ARPC2: variants seen among roughly 807,000 people sequenced by gnomAD.
ARPC2 encodes actin related protein 2/3 complex subunit 2.
Under a neutral mutation model 38.6 loss-of-function variants are expected in ARPC2, and 4 were observed. That is an observed-to-expected ratio of 0.10 (90% CI 0.05 to 0.24). The LOEUF (loss-of-function observed/expected upper bound fraction) is 0.24, where lower values mean the gene tolerates loss of function less well. Among genes scored for constraint, ARPC2 ranks in the 10% least tolerant of loss-of-function variants. The pLI, the probability that ARPC2 is intolerant of heterozygous loss-of-function variation, is 1.00. For missense variants in ARPC2, 229 were observed against 387.3 expected, an observed-to-expected ratio of 0.59 and a Z score of 3.43; for synonymous variants, 125 against 140.8, an observed-to-expected ratio of 0.89 and a Z score of 0.79.
chr2:218,242,565 A>T (rs537956799), intron 7 of ARPC2, among the ~76,000 whole-genome samples: 2 of 152,252 alleles, frequency 1.3e-5, no homozygotes, highest in East Asian at 3.9e-4. Flanking sequence ...TAATTTTGGT[A>T]GACATTGCCA....
intron 6 of ARPC2, 83 bp downstream of exon 6, chr2:218,238,933 A>C (rs917762671): frequency 2.6e-6 from 3 of 1,134,010 alleles, no homozygotes; most frequent in African/African-American, 3.1e-5. Context: ...GGCTTGGTCA[A>C]ACTTTCAGCT....
At chr2:218,247,279 G>A (rs150328924) in intron 8 of ARPC2, among the ~76,000 whole-genome samples, 1 of 152,210 alleles carries the variant, frequency 6.6e-6, no homozygotes, top group East Asian at 1.9e-4. Context: ...TCTTCCTTCA[G>A]TTGCTCCAGC....
intron 7 of ARPC2, among the ~76,000 whole-genome samples, chr2:218,244,622 A>G (rs1223286685): frequency 6.6e-6 from 1 of 152,258 alleles, no homozygotes; most frequent in East Asian, 1.9e-4. Context: ...AGCTCCAGCA[A>G]GAGAGCAGTA....
chr2:218,217,411 G>C (rs1361136195), intron 1 of ARPC2, 52 bp from the exon 2 acceptor site: 1 of 1,575,408 alleles, frequency 6.3e-7, no homozygotes, highest in Non-Finnish European at 8.7e-7. Context: ...CTCCGTCCTT[G>C]CCTCCCTTAC....
At chr2:218,226,998 G>A (rs886459100) in intron 3 of ARPC2, 3 of 456,548 alleles carry the variant, frequency 6.6e-6, no homozygotes, top group Admixed American at 4.7e-5. Context: ...CTTGTTAGGT[G>A]AATGAACTCA....
intron 1 of ARPC2, 48 bp from the exon 2 acceptor site, chr2:218,217,415 C>T: frequency 1.3e-6 from 2 of 1,590,608 alleles, no homozygotes; most frequent in Non-Finnish European, 1.7e-6. Context: ...GTCCTTGCCT[C>T]CCTTACCCAC....
chr2:218,239,759 A>G (rs995053879), intron 7 of ARPC2, among the ~76,000 whole-genome samples: 1 of 151,636 alleles, frequency 6.6e-6, no homozygotes, highest in Non-Finnish European at 1.5e-5. Context: ...ACACCCAGCT[A>G]ATTTTGTATT....
rs1690262252 is a variant in ARPC2, at chr2:218,254,172, C to T, written c.*257C>T. ...TTCCTTTTCTTTATCTTCCCTCCCT[C>T]ACTTCCCTTTTCTCCCACCCTCTTT... On this transcript the variant is annotated 3_prime_UTR_variant, in exon 11 of 11. Transcript: ENST00000315717. 1 of 466,288 alleles carries T rather than the reference C, an allele frequency of 2.1e-6. No homozygotes were observed. The highest frequency in any genetic ancestry group is 3.8e-6 in the Non-Finnish European group (1 of 264,212). The allele number at this position is 466,288 out of a possible 1,614,324, so 28.9% of individuals were successfully genotyped here. A position where few individuals can be genotyped will look rare whatever the true frequency, so the allele number is the denominator to read the frequency against.
chr2:218,252,148 G>A (rs1449185552), intron 10 of ARPC2, among the ~76,000 whole-genome samples: 1 of 152,106 alleles, frequency 6.6e-6, no homozygotes, highest in African/African-American at 2.4e-5. Flanking sequence ...AGTTGAACCC[G>A]GGAGGCAGAG....
intron 5 of ARPC2, among the ~76,000 whole-genome samples, chr2:218,238,456 TGA>T (rs1422462225): frequency 6.6e-6 from 1 of 152,118 alleles, no homozygotes; most frequent in African/African-American, 2.4e-5. Context: ...TTTTGCCCTG[TGA>T]GATAGATGGA....
intron 8 of ARPC2, among the ~76,000 whole-genome samples, chr2:218,248,711 G>A (rs148306283): frequency 1.6e-4 from 25 of 152,152 alleles, no homozygotes; most frequent in African/African-American, 5.1e-4. Context: ...ATCAGCCTGC[G>A]TCAGCCTCCC....
chr2:218,230,613 G>C (rs999755590), intron 4 of ARPC2, among the ~76,000 whole-genome samples: 1 of 152,006 alleles, frequency 6.6e-6, no homozygotes, highest in Non-Finnish European at 1.5e-5. Context: ...CGCTGCTTTG[G>C]ATCAGCTATA....
At chr2:218,243,186 G>C (rs895526705) in intron 7 of ARPC2, among the ~76,000 whole-genome samples, 1 of 152,172 alleles carries the variant, frequency 6.6e-6, no homozygotes, top group Non-Finnish European at 1.5e-5. Flanking sequence ...AGTGGTCCCA[G>C]TGGCAATTAT....
intron 10 of ARPC2, among the ~76,000 whole-genome samples, chr2:218,253,440 C>G (rs1030838500): frequency 6.6e-6 from 1 of 152,202 alleles, no homozygotes; most frequent in Non-Finnish European, 1.5e-5. Flanking sequence ...GAGGATTGCT[C>G]TGAACCAGCC....
intron 3 of ARPC2, among the ~76,000 whole-genome samples, chr2:218,227,630 G>A (rs1255893644): frequency 6.0e-5 from 9 of 149,026 alleles, no homozygotes; most frequent in Admixed American, 2.7e-4. Flanking sequence ...TTGCTCTGTC[G>A]CCCAGGCTGG....
intron 5 of ARPC2, 75 bp from the exon 6 acceptor site, chr2:218,238,589 G>GC (rs1689830791): frequency 2.7e-6 from 2 of 748,036 alleles, no homozygotes; most frequent in African/African-American, 2.7e-5. Flanking sequence ...ATAGTATGCT[G>GC]CTTTTTTTTT....
At chr2:218,239,068 A>G in intron 6 of ARPC2, 1 of 567,680 alleles carries the variant, frequency 1.8e-6, no homozygotes, top group Non-Finnish European at 3.1e-6. Context: ...AAGAGAATCC[A>G]GTGCTTTCCT....
intron 8 of ARPC2, among the ~76,000 whole-genome samples, chr2:218,248,072 G>A (rs1474039473): frequency 6.6e-6 from 1 of 151,912 alleles, no homozygotes; most frequent in Admixed American, 6.6e-5. Flanking sequence ...GTGCCACTGC[G>A]CCCAGCCAGC....
In ARPC2 at chr2:218,244,367, G is replaced by C. The variant is rs183373111; in HGVS notation, c.550-1053G>C. Among the ~76,000 whole-genome samples the C allele has an allele frequency of 1.3e-3, 203 of 152,288 alleles. 1 individual carries two copies. Among genetic ancestry groups the C allele is most frequent in the African/African-American group, 4.0e-3 (168 of 41,568 alleles). On this transcript the variant is annotated intron_variant, in intron 7 of 10. Coordinates refer to ENST00000315717, the MANE Select transcript of ARPC2 (RefSeq NM_152862.3). Reference sequence around the variant, plus strand: ...TTGCTAATCAGTGTTTATTCTTCCTGCCTGCAACTGGAAACAGCCCTTGCC... The same window carrying C: ...TTGCTAATCAGTGTTTATTCTTCCTCCCTGCAACTGGAAACAGCCCTTGCC...
Sources: allele counts gnomAD v4.1 joint callset (sites outside exome capture counted in the v4.1 genomes callset), GRCh38; gene constraint gnomAD v4.1.1; transcripts MANE v1.5; gene names NCBI Gene and HGNC (gene_info 2026-07-23, HGNC 2026-07-21).